Variants in LTBP1 observed in about 807,000 individuals in gnomAD.
The protein encoded by LTBP1 is latent-transforming growth factor beta-binding protein 1.
A neutral mutation model predicts 207.6 loss-of-function variants in LTBP1; 129 were observed. That is an observed-to-expected ratio of 0.62 (90% CI 0.54 to 0.72). The LOEUF is 0.72. LTBP1 is among the 30% of genes least tolerant of loss of function. The pLI, the probability that LTBP1 is intolerant of heterozygous loss-of-function variation, is 0.00. For synonymous variants in LTBP1, 963 were observed against 833.7 expected (o/e 1.16, Z -2.67); for missense variants, 2,281 against 2,217.2 (o/e 1.03, Z -0.58).
In LTBP1 at chr2:33,370,802, C is replaced by G. The variant is rs377437558; in HGVS notation, c.4711+5299C>G. Among the ~76,000 whole-genome samples, 367 of 152,228 alleles carry G rather than the reference C, an allele frequency of 2.4e-3. 1 individual carries two copies. The highest frequency in any genetic ancestry group is 8.5e-3 in the African/African-American group (352 of 41,548). ...AGGAGTGCAGTACTGCTTTGGGGAA[C>G]AATTCGTTACTGATGGAATCAGTGC... On this transcript the variant is annotated intron_variant, in intron 31 of 33. Coordinates refer to ENST00000404816, the MANE Select transcript of LTBP1 (RefSeq NM_206943.4).
intron 5 of LTBP1, among the ~76,000 whole-genome samples, chr2:33,154,918 CTG>C (rs2083842910): frequency 6.6e-6 from 1 of 151,972 alleles, no homozygotes; most frequent in Admixed American, 6.6e-5. Context: ...CAAAAATTAC[CTG>C]TGCTTGGTGG....
intron 3 of LTBP1, among the ~76,000 whole-genome samples, chr2:33,021,635 A>G (rs1441342269): frequency 6.6e-6 from 1 of 152,236 alleles, no homozygotes; most frequent in Non-Finnish European, 1.5e-5. Context: ...TTGCACAGAG[A>G]AACTACTCAA....
At chr2:33,190,216 T>C (rs2087705544) in intron 7 of LTBP1, among the ~76,000 whole-genome samples, 1 of 152,202 alleles carries the variant, frequency 6.6e-6, no homozygotes, top group Admixed American at 6.5e-5. Flanking sequence ...GTGGTAATGA[T>C]GGAGGCTTCG....
intron 1 of LTBP1, among the ~76,000 whole-genome samples, chr2:32,948,153 C>G (rs7593923): frequency 2.7e-4 from 41 of 152,314 alleles, no homozygotes; most frequent in African/African-American, 8.7e-4. Flanking sequence ...ACAGTTTAAT[C>G]CCTCAGCATC....
intron 5 of LTBP1, among the ~76,000 whole-genome samples, chr2:33,145,796 A>T (rs979692865): frequency 6.6e-6 from 1 of 152,220 alleles, no homozygotes; most frequent in Non-Finnish European, 1.5e-5. Context: ...ATAAGTATTC[A>T]ACAAAATTTC....
chr2:33,112,860 C>T (rs2080497695), intron 4 of LTBP1, among the ~76,000 whole-genome samples: 1 of 152,174 alleles, frequency 6.6e-6, no homozygotes, highest in Non-Finnish European at 1.5e-5. Flanking sequence ...AAGGAAGGAA[C>T]AGTTAGTCAG....
intron 4 of LTBP1, among the ~76,000 whole-genome samples, chr2:33,115,031 GAT>G (rs373292217): frequency 1.8e-3 from 242 of 131,666 alleles, no homozygotes; most frequent in Middle Eastern, 4.0e-3. Context: ...TAAACAAACA[GAT>G]ATATACACAC....
intron 3 of LTBP1, among the ~76,000 whole-genome samples, chr2:33,037,175 A>T (rs1317646562): frequency 2.0e-5 from 2 of 101,838 alleles, no homozygotes; most frequent in South Asian, 3.1e-4. Context: ...TCCCTCTCAT[A>T]AAAAAAATTA....
chr2:33,300,867 G>C (rs980320615), intron 21 of LTBP1, among the ~76,000 whole-genome samples: 3 of 152,040 alleles, frequency 2.0e-5, no homozygotes, highest in Non-Finnish European at 4.4e-5. Flanking sequence ...ATTTAAACAT[G>C]TAAATTAATT....
At chr2:33,357,329 T>C (rs1241844651) in intron 26 of LTBP1, among the ~76,000 whole-genome samples, 2 of 152,172 alleles carry the variant, frequency 1.3e-5, no homozygotes, top group Non-Finnish European at 2.9e-5. Context: ...GCCTTGTTGC[T>C]GAACCCCCAG....
In LTBP1 at chr2:33,363,386, G is replaced by C. The variant is rs781355285; in HGVS notation, c.4271-4G>C. 1 of 1,612,780 alleles carries C rather than the reference G, an allele frequency of 6.2e-7. No homozygotes were observed. The highest frequency in any genetic ancestry group is 8.5e-7 in the Non-Finnish European group (1 of 1,179,304). On this transcript the variant is annotated splice_polypyrimidine_tract_variant and splice_region_variant and intron_variant, in intron 28 of 33. Transcript: ENST00000404816. Reference sequence around the variant, plus strand: ...TTTGTATTTCTCAATTTTTTTCCCCGTAGATGCAGATGAATGCCTACTTTT... The same window carrying C: ...TTTGTATTTCTCAATTTTTTTCCCCCTAGATGCAGATGAATGCCTACTTTT...
rs1260073040 is a variant in LTBP1, at chr2:33,365,325, C to T, written c.4541-8C>T. The T allele has an allele frequency of 6.2e-7, 1 of 1,613,330 alleles. No individual in the cohort carries two copies. The highest frequency in any genetic ancestry group is 1.3e-5 in the African/African-American group (1 of 74,996). On this transcript the variant is annotated splice_polypyrimidine_tract_variant and splice_region_variant and intron_variant, in intron 30 of 33. Transcript: ENST00000404816. ...GCGATTTTCATGGAACTATGTCTTC[C>T]CTTTCAGAACAAATAGAAGAAACTG...
At chr2:33,306,622 T>A (rs2094100605) in intron 22 of LTBP1, among the ~76,000 whole-genome samples, 1 of 152,140 alleles carries the variant, frequency 6.6e-6, no homozygotes, top group Non-Finnish European at 1.5e-5. Flanking sequence ...TCCATTATGC[T>A]GAGGCAAACA....
At chr2:33,296,410 A>G (rs1165507238) in intron 20 of LTBP1, among the ~76,000 whole-genome samples, 1 of 152,090 alleles carries the variant, frequency 6.6e-6, no homozygotes, top group East Asian at 1.9e-4. Flanking sequence ...TACTTGTTCA[A>G]GATTATCCTG....
chr2:33,376,323 A>T (rs1452721275), intron 31 of LTBP1, among the ~76,000 whole-genome samples: 1 of 152,230 alleles, frequency 6.6e-6, no homozygotes, highest in African/African-American at 2.4e-5. Context: ...GCACTAACAC[A>T]TGTACAATAA....
chr2:33,361,866 A>G lies in LTBP1; in HGVS notation c.4270+351A>G, dbSNP rs371150571. Among the ~76,000 whole-genome samples, 56 of 152,282 alleles carry G rather than the reference A, an allele frequency of 3.7e-4. No individual in the cohort carries two copies. The South Asian group carries it at 0.01, about 28-fold the overall frequency. ...CTAAATATTTTATTCTAGATGCTTA[A>G]TAGAAATCATATCAATTATGATCAT... On this transcript the variant is annotated intron_variant, in intron 28 of 33. Coordinates refer to ENST00000404816, the MANE Select transcript of LTBP1 (RefSeq NM_206943.4).
intron 3 of LTBP1, among the ~76,000 whole-genome samples, chr2:33,039,046 A>G (rs1465918192): frequency 6.6e-6 from 1 of 152,034 alleles, no homozygotes; most frequent in Non-Finnish European, 1.5e-5. Context: ...CTGGTTCTTC[A>G]TTTTGCTCAG....
At chr2:33,167,267 A>G (rs1343127479) in intron 5 of LTBP1, among the ~76,000 whole-genome samples, 1 of 152,184 alleles carries the variant, frequency 6.6e-6, no homozygotes, top group African/African-American at 2.4e-5. Flanking sequence ...AGACAACATT[A>G]AAACTTTGGA....
intron 4 of LTBP1, among the ~76,000 whole-genome samples, chr2:33,124,159 G>A (rs940959960): frequency 2.6e-5 from 4 of 152,124 alleles, no homozygotes; most frequent in African/African-American, 9.7e-5. Flanking sequence ...CTGTAATCCA[G>A]GCACTTTAGG....
Sources: allele counts gnomAD v4.1 joint callset (sites outside exome capture counted in the v4.1 genomes callset), GRCh38; gene constraint gnomAD v4.1.1; transcripts MANE v1.5; gene names NCBI Gene and HGNC (gene_info 2026-07-23, HGNC 2026-07-21).